Variants in SYNE1 observed in about 807,000 individuals in gnomAD.
The protein encoded by SYNE1 is nesprin-1.
A neutral mutation model predicts 1,111.0 loss-of-function variants in SYNE1; 616 were observed. The ratio of observed to expected loss-of-function variants is 0.55; its 90% CI spans 0.52 to 0.59. SYNE1 has a LOEUF of 0.59. Among genes scored for constraint, SYNE1 ranks in the 20% least tolerant of loss-of-function variants. The pLI, the probability that SYNE1 is intolerant of heterozygous loss-of-function variation, is 0.00. For synonymous variants in SYNE1, 3,855 were observed against 3,825.8 expected (o/e 1.01, Z -0.28); for missense variants, 10,006 against 10,417.0 (o/e 0.96, Z 1.72).
chr6:152,130,794 A>AGG lies in SYNE1; in HGVS notation c.26095-18_26095-17dup. ...TGCCTCGTGGCTGTTTGCAATGAAC[A>AGG]GGGGGTAAAGAAAGAAGAATGTTCA... On this transcript the variant is annotated splice_polypyrimidine_tract_variant and intron_variant, in intron 144 of 145. Coordinates refer to ENST00000367255, the MANE Select transcript of SYNE1 (RefSeq NM_182961.4). 3 of 1,614,062 alleles carry AGG rather than the reference A, an allele frequency of 1.9e-6. No homozygotes were observed. The highest frequency in any genetic ancestry group is 2.5e-6 in the Non-Finnish European group (3 of 1,179,952).
intron 59 of SYNE1, among the ~76,000 whole-genome samples, chr6:152,370,497 T>C (rs1206047007): frequency 6.6e-6 from 1 of 152,232 alleles, no homozygotes; most frequent in African/African-American, 2.4e-5. Context: ...TACTAAATAA[T>C]GTTATGTGCT....
intron 121 of SYNE1, among the ~76,000 whole-genome samples, chr6:152,216,822 A>C (rs182691126): frequency 1.6e-3 from 244 of 152,086 alleles, no homozygotes; most frequent in Admixed American, 3.0e-3. Context: ...TTGGGAGGCC[A>C]AGGAGGGCGG....
chr6:152,317,657 G>A (rs2095765451), intron 86 of SYNE1, among the ~76,000 whole-genome samples: 1 of 152,150 alleles, frequency 6.6e-6, no homozygotes, highest in South Asian at 2.1e-4. Context: ...GATTTCAAAA[G>A]TCTAGTCTAT....
chr6:152,318,050 A>G (rs1169515431), intron 86 of SYNE1, 31 bp downstream of exon 86: 2 of 1,613,928 alleles, frequency 1.2e-6, no homozygotes, highest in Non-Finnish European at 1.7e-6. Flanking sequence ...TCTGCCTTAC[A>G]CGATTTGGAT....
At chr6:152,365,689 G>C (rs1029357097) in intron 62 of SYNE1, among the ~76,000 whole-genome samples, 3 of 151,314 alleles carry the variant, frequency 2.0e-5, no homozygotes, top group South Asian at 4.2e-4. Context: ...TGAACTCCTA[G>C]GCTCAAGCAA....
At chr6:152,348,924 T>A (rs544745714) in intron 72 of SYNE1, among the ~76,000 whole-genome samples, 2 of 152,276 alleles carry the variant, frequency 1.3e-5, no homozygotes, top group East Asian at 3.9e-4. Context: ...AGAACCACTC[T>A]GTCTCTGAGT....
chr6:152,387,339 C>G lies in SYNE1; in HGVS notation c.8220G>C (p.Glu2740Asp), dbSNP rs1188596118. Residue 2740 changes from glutamate (E) to aspartate (D), a missense_variant, in exon 54 of 146, where the codon GAG becomes GAC. Coordinates refer to ENST00000367255, the MANE Select transcript of SYNE1 (RefSeq NM_182961.4). ...SVISQWNDYV[E>D]RKNQLEQWME... Reference sequence around the variant, plus strand: ...TCCACTGCTCCAACTGGTTTTTCCTCTCTACATAGTCATTCCATTGGCTAA... The same window carrying G: ...TCCACTGCTCCAACTGGTTTTTCCTGTCTACATAGTCATTCCATTGGCTAA... 1.9e-6 allele frequency: 3 copies of G among 1,614,170 alleles called. No homozygotes were observed. The highest frequency in any genetic ancestry group is 1.3e-5 in the African/African-American group (1 of 75,056).
At chr6:152,553,196 C>CTG (rs1369463667) in intron 3 of SYNE1, among the ~76,000 whole-genome samples, 1 of 152,146 alleles carries the variant, frequency 6.6e-6, no homozygotes, top group Non-Finnish European at 1.5e-5. Context: ...TGAGGTGACA[C>CTG]AAGACACTAA....
chr6:152,274,487 CCTGT>C (rs1286889581), intron 98 of SYNE1, among the ~76,000 whole-genome samples: 6 of 151,722 alleles, frequency 4.0e-5, no homozygotes, highest in East Asian at 1.9e-4. Flanking sequence ...CTCATTCCTC[CCTGT>C]CTATGTCTTT....
chr6:152,275,778 G>A (rs2074135477), intron 98 of SYNE1, among the ~76,000 whole-genome samples: 1 of 151,508 alleles, frequency 6.6e-6, no homozygotes, highest in Admixed American at 6.6e-5. Flanking sequence ...CTACTCAGGA[G>A]GCTGAGGTGG....
chr6:152,310,824 G>C lies in SYNE1; in HGVS notation c.16760C>G (p.Thr5587Ser), dbSNP rs2095524276. ...KEIDSELEAM[T>S]EKLQYLTSVY... ...GCTAGTGAGGTACTGTAATTTCTCA[G>C]TCATTGCTTCCAGCTCACTGTCAAT... The change falls in exon 88 of 146, where the codon ACT becomes AGT. Residue 5587 changes from threonine to serine, a missense_variant. By Grantham distance (58) the Thr-to-Ser change is moderately conservative. Transcript: ENST00000367255. The C allele has an allele frequency of 8.7e-6, 14 of 1,614,106 alleles. No homozygotes were observed. The highest frequency in any genetic ancestry group is 1.2e-5 in the Non-Finnish European group (14 of 1,180,040).
In SYNE1 at chr6:152,458,909, G is replaced by A; in HGVS notation, c.2416C>T (p.Leu806Phe). 6.2e-7 allele frequency: 1 copy of A among 1,614,024 alleles called. No homozygotes were observed. Among genetic ancestry groups the A allele is most frequent in the South Asian group, 1.1e-5 (1 of 91,072 alleles). ...AACAGCTGCTGAGACTCATAAAGGAGTGGGGAGTAACATTCTTTGACCTTT... is the reference window on the plus strand; with the variant it reads ...AACAGCTGCTGAGACTCATAAAGGAATGGGGAGTAACATTCTTTGACCTTT... Reference protein sequence around the residue: ...LTKVKECYSPLLYESQQLLIP... With the variant: ...LTKVKECYSPFLYESQQLLIP... The change falls in exon 22 of 146, where the codon CTC becomes TTC. Residue 806 changes from leucine (L) to phenylalanine (F), a missense_variant. Transcript: ENST00000367255.
At chr6:152,360,981 AT>A (rs1265771495) in intron 64 of SYNE1, among the ~76,000 whole-genome samples, 1 of 152,224 alleles carries the variant, frequency 6.6e-6, no homozygotes, top group Non-Finnish European at 1.5e-5. Context: ...TATATATGAA[AT>A]TGATAAAGAG....
rs2051414771 is a variant in SYNE1, at chr6:152,121,698, AT to A, written c.*737del. On this transcript the variant is annotated 3_prime_UTR_variant, in exon 146 of 146. Transcript: ENST00000367255. ...AAGCACAGACAAACTATTTTATAAT[AT>A]CTATAATAAATGCAAAGAAATCAAT... is the stretch of plus-strand genomic sequence containing the variant. 6.5e-6 allele frequency: 1 copy of A among 152,678 alleles called. No homozygotes were observed. The highest frequency in any genetic ancestry group is 1.5e-5 in the Non-Finnish European group (1 of 68,074). 9.5% of individuals were successfully genotyped at this position (152,678 alleles called of 1,614,324 possible).
Position 152,326,282 on chromosome 6 carries a change from A to G in SYNE1, c.15293+14T>C. On this transcript the variant is annotated intron_variant, in intron 79 of 145. Transcript: ENST00000367255. ...ATTTCACTAAAACATAAAACACAAA[A>G]CATCCTGAAATACCTCTGCAAGAGA... 1 of 1,614,064 alleles carries G rather than the reference A, an allele frequency of 6.2e-7. No individual in the cohort carries two copies. The highest frequency in any genetic ancestry group is 1.3e-5 in the African/African-American group (1 of 75,036).
chr6:152,162,229 C>T (rs1452782026), intron 131 of SYNE1, among the ~76,000 whole-genome samples: 5 of 152,200 alleles, frequency 3.3e-5, no homozygotes, highest in African/African-American at 1.2e-4. Flanking sequence ...GAGCCTTCTT[C>T]GAACTCTGTG....
rs140565986 is a variant in SYNE1 at position 152,385,776 on chromosome 6, G to A, written c.8550C>T (p.His2850=). ...KDHLMYLDAV[H]EFTDWLHSAK... is the part of the protein sequence containing the mutation. Reference sequence around the variant, plus strand: ...CTGAATGGAGCCAATCTGTGAACTCGTGGACCGCATCTAAATACATTAGAT... The same window carrying A: ...CTGAATGGAGCCAATCTGTGAACTCATGGACCGCATCTAAATACATTAGAT... The change falls in exon 55 of 146, where the codon CAC becomes CAT. Residue 2850 remains histidine (H), a synonymous_variant. Coordinates refer to ENST00000367255, the MANE Select transcript of SYNE1 (RefSeq NM_182961.4). 4.9e-5 allele frequency: 79 copies of A among 1,613,980 alleles called. No individual in the cohort carries two copies. In the African/African-American group the frequency reaches 6.7e-4, roughly 14 times the overall value.
intron 87 of SYNE1, among the ~76,000 whole-genome samples, chr6:152,311,552 G>A (rs1181463373): frequency 1.3e-5 from 2 of 152,166 alleles, no homozygotes; most frequent in African/African-American, 4.8e-5. Context: ...CTGCAACTTG[G>A]GGAAGATTGG....
chr6:152,151,854 C>G, intron 134 of SYNE1, 105 bp downstream of exon 134: 1 of 1,500,054 alleles, frequency 6.7e-7, no homozygotes, highest in Non-Finnish European at 9.1e-7. Context: ...ACTCCTCCTG[C>G]CATCCCATTC....
Sources: gnomAD v4.1 joint callset for allele counts (sites outside exome capture counted in the v4.1 genomes callset) on GRCh38, gnomAD v4.1.1 for gene constraint, MANE v1.5 for transcripts, NCBI Gene and HGNC (gene_info 2026-07-23, HGNC 2026-07-21) for gene names.